LHPP: variants seen among roughly 807,000 people sequenced by gnomAD.
LHPP encodes the protein phospholysine phosphohistidine inorganic pyrophosphate phosphatase, also known as hLHPP.
A neutral mutation model predicts 30.3 loss-of-function variants in LHPP; 24 were observed. The observed-to-expected ratio is 0.79, with a 90% CI of 0.57 to 1.11. The LOEUF is 1.11. Among genes scored for constraint, LHPP ranks in the 50% most tolerant of loss-of-function variants. The pLI is 0.00. For missense variants in LHPP, 356 were observed against 367.2 expected, an observed-to-expected ratio of 0.97 and a Z score of 0.25; for synonymous variants, 150 against 157.1, an observed-to-expected ratio of 0.95 and a Z score of 0.34.
At position 124,604,852 on chromosome 10, in the gene LHPP, G is replaced by A. The variant is rs11245311; in HGVS notation, c.717-8412G>A. The stretch of plus-strand genomic sequence containing the variant: ...CCCTCCCTGGGTAGGCAGCTGTTGC[G>A]GCCTCCAGTTGTGAGAGTCTCTGCC... On this transcript the variant is annotated intron_variant, in intron 6 of 6. Transcript: ENST00000368842. Among the ~76,000 whole-genome samples, 390 of 152,284 alleles carry A rather than the reference G, an allele frequency of 2.6e-3. 13 individuals are homozygous for A. In the East Asian group the frequency reaches 0.068, roughly 26 times the overall value.
chr10:124,612,927 A>C, intron 6 of LHPP: 1 of 349,614 alleles, frequency 2.9e-6, no homozygotes, highest in Non-Finnish European at 5.5e-6. Context: ...AGAGCAGGGT[A>C]CACTCATGTC....
chr10:124,607,517 T>C (rs1250305335), intron 6 of LHPP, among the ~76,000 whole-genome samples: 1 of 152,234 alleles, frequency 6.6e-6, no homozygotes, highest in Non-Finnish European at 1.5e-5. Flanking sequence ...CGGACGCCAT[T>C]CGGCTAGGTA....
intron 5 of LHPP, among the ~76,000 whole-genome samples, chr10:124,505,706 A>G (rs772889153): frequency 6.6e-6 from 1 of 152,220 alleles, no homozygotes; most frequent in Non-Finnish European, 1.5e-5. Flanking sequence ...GGATGGTTTT[A>G]TAGCTTCATA....
At chr10:124,525,424 CG>C (rs1564809653) in intron 6 of LHPP, among the ~76,000 whole-genome samples, 1 of 152,182 alleles carries the variant, frequency 6.6e-6, no homozygotes, top group African/African-American at 2.4e-5. Flanking sequence ...GCCCCCACCA[CG>C]GGGGGACCCT....
chr10:124,581,927 G>T (rs1162565165), intron 6 of LHPP, among the ~76,000 whole-genome samples: 2 of 150,866 alleles, frequency 1.3e-5, no homozygotes, highest in Non-Finnish European at 3.0e-5. Flanking sequence ...GACTACAGGT[G>T]CCCACCACCA....
chr10:124,601,534 C>T (rs570314134), intron 6 of LHPP, among the ~76,000 whole-genome samples: 2 of 152,194 alleles, frequency 1.3e-5, no homozygotes, highest in South Asian at 4.1e-4. Flanking sequence ...CGCTGGTGGG[C>T]GGCCAAGCGT....
chr10:124,494,539 T>C (rs1208297744), intron 3 of LHPP, among the ~76,000 whole-genome samples: 3 of 152,162 alleles, frequency 2.0e-5, no homozygotes, highest in Non-Finnish European at 4.4e-5. Context: ...GCCCTCCTTC[T>C]CCTGGCACAG....
intron 6 of LHPP, among the ~76,000 whole-genome samples, chr10:124,579,954 C>T (rs1159432157): frequency 6.6e-6 from 1 of 152,192 alleles, no homozygotes; most frequent in Admixed American, 6.5e-5. Flanking sequence ...TTTTTTTAAA[C>T]TTCTTCTCTT....
At chr10:124,492,358 G>A (rs1424908413) in intron 3 of LHPP, among the ~76,000 whole-genome samples, 10 of 152,176 alleles carry the variant, frequency 6.6e-5, no homozygotes, top group South Asian at 4.1e-4. Flanking sequence ...AGAGAAGCCC[G>A]AAGCTACAGG....
intron 1 of LHPP, among the ~76,000 whole-genome samples, chr10:124,471,177 A>G (rs1952720171): frequency 6.6e-6 from 1 of 151,538 alleles, no homozygotes; most frequent in Non-Finnish European, 1.5e-5. Context: ...TTTGAGATGC[A>G]GCCTTCCCTG....
intron 2 of LHPP, among the ~76,000 whole-genome samples, chr10:124,485,517 G>T (rs1953298406): frequency 6.6e-6 from 1 of 151,676 alleles, no homozygotes; most frequent in African/African-American, 2.4e-5. Context: ...TTTTTTTTCA[G>T]TCATTGGTGG....
Position 124,484,173 on chromosome 10 carries a change from A to G in LHPP, c.160A>G (p.Thr54Ala). 6.2e-7 allele frequency: 1 copy of G among 1,614,076 alleles called. No homozygotes were observed. The highest frequency in any genetic ancestry group is 8.5e-7 in the Non-Finnish European group (1 of 1,180,024). The change falls in exon 2 of 7, where the codon ACC becomes GCC. Residue 54 changes from threonine (T) to alanine (A), a missense_variant. Thr to Ala is a moderately conservative substitution (Grantham distance 58, BLOSUM62 0). Transcript: ENST00000368842. ...TTCCCGGCTGAAGGTGAGGTTCTGC[A>G]CCAACGAGTCGCAGAAGTCCCGGGC... is the stretch of plus-strand genomic sequence containing the variant. Reference protein sequence around the residue: ...KRSRLKVRFCTNESQKSRAEL... With the variant: ...KRSRLKVRFCANESQKSRAEL...
intron 6 of LHPP, among the ~76,000 whole-genome samples, chr10:124,544,512 G>A (rs1430174118): frequency 6.6e-6 from 1 of 151,062 alleles, no homozygotes; most frequent in Non-Finnish European, 1.5e-5. Flanking sequence ...CAGGGGAGCA[G>A]GCGTGCTCAA....
chr10:124,498,160 G>A (rs1337936525), intron 5 of LHPP, 32 bp downstream of exon 5: 1 of 1,596,368 alleles, frequency 6.3e-7, no homozygotes, highest in Admixed American at 1.7e-5. Flanking sequence ...TGGGTCAGGG[G>A]AGGCAGCCCC....
chr10:124,490,712 G>T (rs758126084), intron 3 of LHPP: 1 of 164,784 alleles, frequency 6.1e-6, no homozygotes, highest in African/African-American at 2.4e-5. Context: ...GTGCATTTCG[G>T]ATGACGTCTC....
At chr10:124,472,863 T>C (rs1323773411) in intron 1 of LHPP, among the ~76,000 whole-genome samples, 1 of 152,160 alleles carries the variant, frequency 6.6e-6, no homozygotes, top group Non-Finnish European at 1.5e-5. Flanking sequence ...CAGCCTAAAC[T>C]TCCATTTTTG....
At chr10:124,549,776 C>A (rs533327772) in intron 6 of LHPP, among the ~76,000 whole-genome samples, 1 of 152,234 alleles carries the variant, frequency 6.6e-6, no homozygotes, top group East Asian at 1.9e-4. Context: ...AAGGCATGGC[C>A]TCCAGAATCA....
intron 2 of LHPP, among the ~76,000 whole-genome samples, chr10:124,487,879 G>A (rs745838586): frequency 2.6e-5 from 4 of 152,130 alleles, no homozygotes; most frequent in African/African-American, 9.7e-5. Flanking sequence ...TTTAAAATGG[G>A]GGAAGACAAA....
At chr10:124,473,718 C>T (rs1451744927) in intron 1 of LHPP, among the ~76,000 whole-genome samples, 4 of 152,080 alleles carry the variant, frequency 2.6e-5, no homozygotes, top group Non-Finnish European at 4.4e-5. Flanking sequence ...TTTGGGAGGC[C>T]GAGGCAAGTG....
Sources: gnomAD v4.1 joint callset for allele counts (sites outside exome capture counted in the v4.1 genomes callset) on GRCh38, gnomAD v4.1.1 for gene constraint, MANE v1.5 for transcripts, NCBI Gene and HGNC (gene_info 2026-07-23, HGNC 2026-07-21) for gene names.